Variants in GATA4 observed in about 807,000 individuals in gnomAD.
GATA4 encodes the protein transcription factor GATA-4.
GATA4 carries 7 observed loss-of-function variants against 37.9 expected under a neutral mutation model. The observed-to-expected ratio is 0.18, with a 90% CI of 0.11 to 0.35. The LOEUF is 0.35. Ranked by LOEUF, GATA4 falls within the 10% of genes least tolerant of loss-of-function variation. The probability of loss-of-function intolerance (pLI) is 1.00; values close to 1 mark genes in which losing one functional copy is unlikely to be tolerated. For synonymous variants in GATA4, 372 were observed against 292.6 expected, an observed-to-expected ratio of 1.27 and a Z score of -2.77; for missense variants, 647 against 653.0, an observed-to-expected ratio of 0.99 and a Z score of 0.10.
intron 2 of GATA4, among the ~76,000 whole-genome samples, chr8:11,744,423 G>A (rs779663296): frequency 6.6e-6 from 1 of 152,202 alleles, no homozygotes; most frequent in Non-Finnish European, 1.5e-5. Context: ...TTCCCGGGAT[G>A]CCAGCACTGG....
At chr8:11,681,089 G>A (rs1282987189) in intron 1 of GATA4, 184 of 970,826 alleles carry the variant, frequency 1.9e-4, no homozygotes, top group Non-Finnish European at 2.2e-4. Context: ...GAGGGGCATG[G>A]GTGGCGCCCC....
At position 11,758,560 on chromosome 8, in the gene GATA4, G is replaced by A. The variant is rs551166697; in HGVS notation, c.*85G>A. On this transcript the variant is annotated 3_prime_UTR_variant, in exon 7 of 7. Transcript: ENST00000532059. The stretch of plus-strand genomic sequence containing the variant: ...AGGAGGCCCTGGGCTCCCAGGGGCC[G>A]GCCTCCTCTGCCTGGTAATGACTCC... 4.8e-5 allele frequency: 63 copies of A among 1,326,254 alleles called. No individual in the cohort carries two copies. In the African/African-American group the frequency reaches 5.6e-4, roughly 12 times the overall value. The allele number at this position is 1,326,254 out of a possible 1,614,324, so 82.2% of individuals were successfully genotyped here. A position where few individuals can be genotyped will look rare whatever the true frequency, so the allele number is the denominator to read the frequency against.
intron 2 of GATA4, among the ~76,000 whole-genome samples, chr8:11,716,969 G>C (rs1800460098): frequency 6.6e-6 from 1 of 152,198 alleles, no homozygotes; most frequent in Admixed American, 6.5e-5. Flanking sequence ...GCTGCTTTAA[G>C]AACTTGAAGC....
At position 11,722,346 on chromosome 8, in the gene GATA4, C is replaced by T. The variant is rs1308244912; in HGVS notation, c.616+13418C>T. 5.9e-5 allele frequency among the ~76,000 whole-genome samples: 9 copies of T among 152,324 alleles called. No individual in the cohort carries two copies. The East Asian group carries it at 1.7e-3, about 29-fold the overall frequency. ...CCCACAAATACTTTTGTATATATGT[C>T]TGAAAAGTACGAGGACTCTTTTATT... On this transcript the variant is annotated intron_variant, in intron 2 of 6. Transcript: ENST00000532059.
chr8:11,720,831 G>A (rs925073687), intron 2 of GATA4, among the ~76,000 whole-genome samples: 3 of 151,802 alleles, frequency 2.0e-5, no homozygotes, highest in Admixed American at 2.0e-4. Context: ...GACCTCAGGT[G>A]CTCTGAGTTT....
chr8:11,697,194 G>A (rs1274365561), intron 1 of GATA4, among the ~76,000 whole-genome samples: 5 of 152,250 alleles, frequency 3.3e-5, no homozygotes. Context: ...CTGCAGAACA[G>A]GGGGCAGCAC....
intron 2 of GATA4, among the ~76,000 whole-genome samples, chr8:11,738,889 G>C (rs1189122740): frequency 6.6e-6 from 1 of 152,212 alleles, no homozygotes; most frequent in African/African-American, 2.4e-5. Context: ...TCCAGGACCA[G>C]TGCCAGACTT....
At chr8:11,686,608 C>G (rs1266116010) in intron 1 of GATA4, among the ~76,000 whole-genome samples, 1 of 152,160 alleles carries the variant, frequency 6.6e-6, no homozygotes, top group Non-Finnish European at 1.5e-5. Context: ...AATTTTCCAG[C>G]CCCCTACACT....
At chr8:11,697,904 T>A in intron 1 of GATA4, 2 of 985,466 alleles carry the variant, frequency 2.0e-6, no homozygotes, top group Non-Finnish European at 2.4e-6. Context: ...GCCAGATCTC[T>A]GGGGGACCCA....
intron 2 of GATA4, among the ~76,000 whole-genome samples, chr8:11,721,541 G>C (rs544278267): frequency 4.6e-5 from 7 of 152,016 alleles, no homozygotes; most frequent in Non-Finnish European, 8.8e-5. Context: ...ATCGGAGAAG[G>C]AACTCTGGTT....
chr8:11,720,380 T>A (rs535424824), intron 2 of GATA4, among the ~76,000 whole-genome samples: 3 of 152,064 alleles, frequency 2.0e-5, no homozygotes, highest in African/African-American at 7.2e-5. Flanking sequence ...GTCAGGTAGG[T>A]TTCCACGGCT....
At position 11,709,577 on chromosome 8, in the gene GATA4, G is replaced by GGGGGGGGGC. The variant is rs1554488911; in HGVS notation, c.616+657_616+658insCGGGGGGGG. Among the ~76,000 whole-genome samples, 617 of 136,442 alleles carry GGGGGGGGGC rather than the reference G, an allele frequency of 4.5e-3. 19 individuals carry two copies. The highest frequency in any genetic ancestry group is 0.017 in the African/African-American group (571 of 34,362). 89.5% of individuals were successfully genotyped at this position (136,442 alleles called of 152,430 possible). A position where few individuals can be genotyped will look rare whatever the true frequency, so the allele number is the denominator to read the frequency against. ...GCGTGGGCGCATCATGCGGGCAGCG[G>GGGGGGGGGC]GGGGGGGGGCGCACACGCCCGGTCA... On this transcript the variant is annotated intron_variant, in intron 2 of 6. Coordinates refer to ENST00000532059, the MANE Select transcript of GATA4 (RefSeq NM_001308093.3). The surrounding 1 kb of genome is among the most constrained non-coding windows in gnomAD (Gnocchi z 4.3).
At chr8:11,688,105 T>C (rs1311799432), upstream of GATA4, among the ~76,000 whole-genome samples, 2 of 152,220 alleles carry the variant, frequency 1.3e-5, no homozygotes, top group African/African-American at 2.4e-5. Context: ...TAAGGAATTA[T>C]TCATCTCTCA....
At chr8:11,697,600 C>G (rs1799543519) in intron 1 of GATA4, 1 of 985,378 alleles carries the variant, frequency 1.0e-6, no homozygotes, top group Non-Finnish European at 1.2e-6. Flanking sequence ...TCGCCTGCGC[C>G]GAGGATGGCC....
Position 11,749,863 on chromosome 8 carries a change from T to G in GATA4, c.787-248T>G, listed in dbSNP as rs3735816. Among the ~76,000 whole-genome samples, 1 of 152,120 alleles carries G rather than the reference T, an allele frequency of 6.6e-6. No homozygotes were observed. The highest frequency in any genetic ancestry group is 1.5e-5 in the Non-Finnish European group (1 of 67,998). ...CCTGACGGTGAATGATGGTTAGGACTGGAAACCAGGTCTCGATGCCCACGT... is the reference window on the plus strand; with the variant it reads ...CCTGACGGTGAATGATGGTTAGGACGGGAAACCAGGTCTCGATGCCCACGT... On this transcript the variant is annotated intron_variant, in intron 3 of 6. Transcript: ENST00000532059. This position sits in a 1 kb window ranked among gnomAD's most constrained non-coding sequence, Gnocchi z 4.6.
chr8:11,687,635 A>G (rs944335923), upstream of GATA4, among the ~76,000 whole-genome samples: 2 of 152,210 alleles, frequency 1.3e-5, no homozygotes, highest in Non-Finnish European at 1.5e-5. Context: ...GAGATGTTGT[A>G]AAGCCAAAGG....
intron 1 of GATA4, among the ~76,000 whole-genome samples, chr8:11,706,433 T>C (rs1168088032): frequency 6.6e-6 from 1 of 152,224 alleles, no homozygotes; most frequent in Non-Finnish European, 1.5e-5. Flanking sequence ...GTTAGGACAG[T>C]TTTATAAAAA....
At chr8:11,705,553 A>T (rs1799856295) in intron 1 of GATA4, among the ~76,000 whole-genome samples, 7 of 152,216 alleles carry the variant, frequency 4.6e-5, no homozygotes, top group Admixed American at 4.6e-4. Context: ...GTGAACTGGG[A>T]CAAGTGATCA....
intron 1 of GATA4, chr8:11,680,452 G>T: frequency 1.0e-6 from 1 of 984,628 alleles, no homozygotes; most frequent in Non-Finnish European, 1.2e-6. Context: ...CTCCGTTCCT[G>T]GCAAGGCCGA....
Sources: gnomAD v4.1 joint callset for allele counts (sites outside exome capture counted in the v4.1 genomes callset) on GRCh38, gnomAD v4.1.1 for gene constraint, Gnocchi (gnomAD v3.1) non-coding constraint, MANE v1.5 for transcripts, NCBI Gene and HGNC (gene_info 2026-07-23, HGNC 2026-07-21) for gene names.